The following CHN2 variants were observed in gnomAD, a reference collection of about 807,000 sequenced individuals.
CHN2 encodes the protein chimerin 2, also known as beta-chimaerin.
Under a neutral mutation model 56.3 loss-of-function variants are expected in CHN2, and 35 were observed. The observed-to-expected ratio is 0.62, with a 90% CI of 0.47 to 0.82. CHN2 has a LOEUF of 0.82. CHN2 is among the 40% of genes least tolerant of loss of function. The pLI is 0.00. For missense variants in CHN2, 491 were observed against 580.5 expected, an observed-to-expected ratio of 0.85 and a Z score of 1.58; for synonymous variants, 210 against 212.8, an observed-to-expected ratio of 0.99 and a Z score of 0.12.
At chr7:29,233,825 A>ATTTTTTTTTTTTTTTTTTTTTTTT (rs1175429614) in intron 1 of CHN2, among the ~76,000 whole-genome samples, 2 of 53,202 alleles carry the variant, frequency 3.8e-5, no homozygotes, top group African/African-American at 6.9e-5. Flanking sequence ...CAACACCTTG[A>ATTTTTTTTTTTTTTTTTTTTTTTT]TTTTTTTTTT....
intron 1 of CHN2, among the ~76,000 whole-genome samples, chr7:29,299,430 T>C (rs997133088): frequency 1.3e-5 from 2 of 152,122 alleles, no homozygotes; most frequent in African/African-American, 4.8e-5. Context: ...TGCAGTCAGG[T>C]TGAGTTTCAT....
chr7:29,224,963 G>C (rs1384417000), intron 1 of CHN2, among the ~76,000 whole-genome samples: 1 of 152,150 alleles, frequency 6.6e-6, no homozygotes, highest in Non-Finnish European at 1.5e-5. Flanking sequence ...GATAAAGGCA[G>C]ATTTCCATTC....
chr7:29,306,419 A>T (rs1465663117), intron 1 of CHN2, among the ~76,000 whole-genome samples: 1 of 152,218 alleles, frequency 6.6e-6, no homozygotes, highest in Non-Finnish European at 1.5e-5. Flanking sequence ...TAAATAATAG[A>T]GGATTCACAA....
At chr7:29,273,346 T>TAC (rs1562881790) in intron 1 of CHN2, among the ~76,000 whole-genome samples, 3 of 21,764 alleles carry the variant, frequency 1.4e-4, no homozygotes, top group Admixed American at 5.1e-4. Flanking sequence ...TATATGTGTA[T>TAC]ATATATATAT....
At chr7:29,301,971 ACC>A (rs1166682863) in intron 1 of CHN2, among the ~76,000 whole-genome samples, 1 of 152,104 alleles carries the variant, frequency 6.6e-6, no homozygotes, top group Non-Finnish European at 1.5e-5. Context: ...CATCCTGTCT[ACC>A]TGTGGCACTG....
chr7:29,232,417 G>A (rs920031103), intron 1 of CHN2, among the ~76,000 whole-genome samples: 5 of 152,116 alleles, frequency 3.3e-5, no homozygotes, highest in African/African-American at 1.2e-4. Flanking sequence ...CAGCCAGGAA[G>A]CCTCAGTAAA....
intron 6 of CHN2, among the ~76,000 whole-genome samples, chr7:29,456,415 AAG>A (rs10648378): frequency 1.3e-5 from 2 of 151,984 alleles, no homozygotes; most frequent in Non-Finnish European, 2.9e-5. Context: ...ATGGTGAAGA[AAG>A]AGAGAGGGGG....
chr7:29,263,435 C>T (rs563189381), intron 1 of CHN2, among the ~76,000 whole-genome samples: 2 of 152,322 alleles, frequency 1.3e-5, no homozygotes, highest in South Asian at 4.1e-4. Flanking sequence ...ATTGCAGCCT[C>T]TGCCCGGCCG....
chr7:29,223,439 C>T lies in CHN2; in HGVS notation c.49+28449C>T, dbSNP rs186365693. ...CACTAATTATCACCACTCCCCATAT[C>T]AATCACTATGCTGACTTCATAGCTG... On this transcript the variant is annotated intron_variant, in intron 1 of 12. Transcript: ENST00000222792. 1.5e-3 allele frequency among the ~76,000 whole-genome samples: 232 copies of T among 152,286 alleles called. 1 individual carries two copies. The highest frequency in any genetic ancestry group is 5.2e-3 in the African/African-American group (217 of 41,562).
chr7:29,513,418 T>C lies in CHN2; in HGVS notation c.*683T>C, dbSNP rs17158153. 0.25 allele frequency: 37,913 copies of C among 152,540 alleles called. 5,004 individuals are homozygous for C. The highest frequency in any genetic ancestry group is 0.34 in the South Asian group (1,653 of 4,826). 9.4% of individuals were successfully genotyped at this position (152,540 alleles called of 1,614,324 possible). ...TCTTCTATTGTATGGTATGTATTTA[T>C]AGCAATTGTAGGATGGTCTGAAATG... On this transcript the variant is annotated 3_prime_UTR_variant, in exon 13 of 13. Coordinates refer to ENST00000222792, the MANE Select transcript of CHN2 (RefSeq NM_004067.4).
intron 2 of CHN2, among the ~76,000 whole-genome samples, chr7:29,355,786 T>C (rs1194101129): frequency 4.5e-5 from 6 of 132,936 alleles, no homozygotes; most frequent in Admixed American, 7.6e-5. Context: ...TTTTTTTTTT[T>C]TTTTTTTTTT....
intron 1 of CHN2, chr7:29,198,028 T>C (rs1005400339): frequency 4.4e-6 from 2 of 456,210 alleles, no homozygotes; most frequent in East Asian, 1.4e-4. Flanking sequence ...GGGAAAGTTA[T>C]GCTTACAGGC....
rs1051818150 is a variant in CHN2, at chr7:29,359,733, G to A, written c.88+5070G>A. 6.6e-5 allele frequency among the ~76,000 whole-genome samples: 10 copies of A among 152,162 alleles called. No homozygotes were observed. The East Asian group carries it at 1.7e-3, about 26-fold the overall frequency. The stretch of plus-strand genomic sequence containing the variant: ...GCTCTAAAAGAAGAGCTACTTTCAA[G>A]TTTACTTAAAAATAATAATAAAGCT... On this transcript the variant is annotated intron_variant, in intron 2 of 12. Transcript: ENST00000222792.
intron 6 of CHN2, among the ~76,000 whole-genome samples, chr7:29,421,085 G>T (rs1344065387): frequency 2.0e-5 from 3 of 152,178 alleles, no homozygotes; most frequent in African/African-American, 7.2e-5. Context: ...GAGCCACCAT[G>T]TCCGGCTATA....
intron 1 of CHN2, among the ~76,000 whole-genome samples, chr7:29,270,797 GGA>G (rs1026079064): frequency 6.6e-6 from 1 of 152,112 alleles, no homozygotes; most frequent in Non-Finnish European, 1.5e-5. Flanking sequence ...ATAAGGCACT[GGA>G]GAGAGAGAAA....
At chr7:29,330,130 A>G (rs1796112439) in intron 1 of CHN2, among the ~76,000 whole-genome samples, 1 of 152,240 alleles carries the variant, frequency 6.6e-6, no homozygotes, top group Admixed American at 6.5e-5. Context: ...AATCACATTT[A>G]CTGATGTAAC....
At chr7:29,215,522 C>G (rs1164091720) in intron 1 of CHN2, among the ~76,000 whole-genome samples, 1 of 152,168 alleles carries the variant, frequency 6.6e-6, no homozygotes, top group Non-Finnish European at 1.5e-5. Flanking sequence ...AATCAGCACA[C>G]TCACCTAAGT....
At chr7:29,430,217 G>A (rs11976491) in intron 6 of CHN2, among the ~76,000 whole-genome samples, 10,647 of 152,232 alleles carry the variant, frequency 0.07, 675 homozygotes, top group African/African-American at 0.17. Flanking sequence ...ATGCGTTGGA[G>A]CTGATGGTTT....
intron 1 of CHN2, among the ~76,000 whole-genome samples, chr7:29,225,467 T>C (rs1321537959): frequency 6.6e-6 from 1 of 152,190 alleles, no homozygotes; most frequent in Non-Finnish European, 1.5e-5. Context: ...TGAAAAACTG[T>C]GTGCAAATGT....
Sources: gnomAD v4.1 joint callset for allele counts (sites outside exome capture counted in the v4.1 genomes callset) on GRCh38, gnomAD v4.1.1 for gene constraint, MANE v1.5 for transcripts, NCBI Gene and HGNC (gene_info 2026-07-23, HGNC 2026-07-21) for gene names.